Variants in HTR7 observed in about 807,000 individuals in gnomAD.
HTR7 encodes 5-hydroxytryptamine receptor 7, also known as 5-HT-7.
A neutral mutation model predicts 34.0 loss-of-function variants in HTR7; 16 were observed. That is an observed-to-expected ratio of 0.47 (90% CI 0.32 to 0.71). The LOEUF (loss-of-function observed/expected upper bound fraction) is 0.71, where lower values mean the gene tolerates loss of function less well. Among genes scored for constraint, HTR7 ranks in the 30% least tolerant of loss-of-function variants. HTR7 has a pLI of 0.04. For synonymous variants in HTR7, 265 were observed against 260.2 expected (o/e 1.02, Z -0.18); for missense variants, 504 against 625.5 (o/e 0.81, Z 2.07).
intron 2 of HTR7, among the ~76,000 whole-genome samples, 175 bp downstream of exon 2, chr10:90,748,664 C>T (rs1054924491): frequency 2.0e-5 from 3 of 152,118 alleles, no homozygotes; most frequent in Non-Finnish European, 4.4e-5. Context: ...CTATTTTTGG[C>T]TTTTGGAATT....
intron 1 of HTR7, among the ~76,000 whole-genome samples, chr10:90,786,504 T>C (rs1360051319): frequency 2.0e-5 from 3 of 152,178 alleles, no homozygotes; most frequent in Non-Finnish European, 4.4e-5. Context: ...AATGCTTAAA[T>C]AGATGGAAAA....
chr10:90,804,688 A>C (rs1356040318), intron 1 of HTR7, among the ~76,000 whole-genome samples: 1 of 152,226 alleles, frequency 6.6e-6, no homozygotes, highest in Non-Finnish European at 1.5e-5. Flanking sequence ...TTTTTCTTTT[A>C]AAGACTTCTA....
At chr10:90,770,241 A>C (rs1424225609) in intron 1 of HTR7, among the ~76,000 whole-genome samples, 1 of 152,210 alleles carries the variant, frequency 6.6e-6, no homozygotes, top group Non-Finnish European at 1.5e-5. Context: ...GCCAGGGATA[A>C]GAGGGACCCT....
intron 1 of HTR7, among the ~76,000 whole-genome samples, chr10:90,810,000 C>T (rs12766122): frequency 0.26 from 39,496 of 152,012 alleles, 5,466 homozygotes; most frequent in African/African-American, 0.35. Flanking sequence ...TTAATGAATA[C>T]GGAGGCTACC....
At chr10:90,821,117 C>CG (rs1845971613) in intron 1 of HTR7, among the ~76,000 whole-genome samples, 1 of 131,346 alleles carries the variant, frequency 7.6e-6, no homozygotes, top group Non-Finnish European at 1.6e-5. Context: ...CACACTCACA[C>CG]AAACACACAC....
chr10:90,820,218 A>C (rs941312515), intron 1 of HTR7, among the ~76,000 whole-genome samples: 1 of 152,164 alleles, frequency 6.6e-6, no homozygotes, highest in Non-Finnish European at 1.5e-5. Context: ...AAAGAGATAA[A>C]CTGTTCTGCA....
chr10:90,746,708 G>A (rs894416253), intron 2 of HTR7, among the ~76,000 whole-genome samples: 4 of 152,074 alleles, frequency 2.6e-5, no homozygotes, highest in African/African-American at 9.7e-5. Context: ...TCACTTCACA[G>A]CCCTCATCTA....
chr10:90,790,566 G>A (rs1042929573), intron 1 of HTR7, among the ~76,000 whole-genome samples: 17 of 152,094 alleles, frequency 1.1e-4, no homozygotes, highest in Non-Finnish European at 2.1e-4. Flanking sequence ...TGATGAATCC[G>A]TTAATTGACT....
At chr10:90,763,612 C>A (rs1454430671) in intron 1 of HTR7, among the ~76,000 whole-genome samples, 1 of 152,194 alleles carries the variant, frequency 6.6e-6, no homozygotes, top group East Asian at 1.9e-4. Flanking sequence ...GCTCTCCCTC[C>A]TCTTGCCCCC....
intron 1 of HTR7, among the ~76,000 whole-genome samples, chr10:90,815,411 T>C (rs934883269): frequency 2.6e-5 from 4 of 152,196 alleles, no homozygotes; most frequent in African/African-American, 9.7e-5. Flanking sequence ...CTAAAGTGAT[T>C]GTGTCTTCTT....
chr10:90,830,703 G>A (rs1364724303), intron 1 of HTR7, among the ~76,000 whole-genome samples: 9 of 150,684 alleles, frequency 6.0e-5, no homozygotes, highest in African/African-American at 1.2e-4. Context: ...TGGGAGGATC[G>A]CTTAAGCCCG....
At chr10:90,811,670 A>G (rs1363067102) in intron 1 of HTR7, among the ~76,000 whole-genome samples, 2 of 152,042 alleles carry the variant, frequency 1.3e-5, no homozygotes, top group Non-Finnish European at 2.9e-5. Flanking sequence ...GGGATTATTC[A>G]GGCCCCCTCT....
intron 1 of HTR7, among the ~76,000 whole-genome samples, chr10:90,811,169 C>T (rs925237197): frequency 1.3e-5 from 2 of 152,148 alleles, no homozygotes; most frequent in African/African-American, 2.4e-5. Context: ...GCTGTGCAGT[C>T]GGAATTCTTA....
chr10:90,843,886 G>A (rs1372383316), intron 1 of HTR7, among the ~76,000 whole-genome samples: 2 of 152,120 alleles, frequency 1.3e-5, no homozygotes, highest in Non-Finnish European at 2.9e-5. Context: ...AAAAATCAAA[G>A]AGAAGAATGC....
At chr10:90,795,029 T>A (rs774814661) in intron 1 of HTR7, among the ~76,000 whole-genome samples, 17 of 152,200 alleles carry the variant, frequency 1.1e-4, no homozygotes, top group Non-Finnish European at 2.1e-4. Flanking sequence ...CGCATGACAG[T>A]ATATACATTT....
At position 90,751,177 on chromosome 10, in the gene HTR7, A is replaced by C. The variant is rs139292205; in HGVS notation, c.540-1583T>G. On this transcript the variant is annotated intron_variant, in intron 1 of 3. Coordinates refer to ENST00000336152, the MANE Select transcript of HTR7 (RefSeq NM_019859.4). ...TTTATCAGCTGTAGTTAGGATTATG[A>C]TGTGGCTCCCAAACAGAATGAGGGA... 3.0e-3 allele frequency among the ~76,000 whole-genome samples: 454 copies of C among 152,226 alleles called. 4 individuals are homozygous for C. The highest frequency in any genetic ancestry group is 0.01 in the African/African-American group (434 of 41,536).
chr10:90,811,842 G>A (rs528001539), intron 1 of HTR7, among the ~76,000 whole-genome samples: 8 of 152,228 alleles, frequency 5.3e-5, no homozygotes, highest in South Asian at 2.1e-4. Context: ...GAAGGCCACC[G>A]TAGTCATTTC....
At chr10:90,794,778 G>A (rs1422429772) in intron 1 of HTR7, among the ~76,000 whole-genome samples, 1 of 152,178 alleles carries the variant, frequency 6.6e-6, no homozygotes, top group Non-Finnish European at 1.5e-5. Flanking sequence ...TCTGAGAACA[G>A]GCATGAACCA....
At chr10:90,813,963 C>T (rs145198458) in intron 1 of HTR7, among the ~76,000 whole-genome samples, 1 of 152,336 alleles carries the variant, frequency 6.6e-6, no homozygotes, top group African/African-American at 2.4e-5. Flanking sequence ...ATCCGGTACA[C>T]TCCACAGTGG....
Sources: allele counts gnomAD v4.1 joint callset (sites outside exome capture counted in the v4.1 genomes callset), GRCh38; gene constraint gnomAD v4.1.1; transcripts MANE v1.5; gene names NCBI Gene and HGNC (gene_info 2026-07-23, HGNC 2026-07-21).